The following A4GALT variants were observed in gnomAD, a reference collection of about 807,000 sequenced individuals.
A4GALT encodes lactosylceramide 4-alpha-galactosyltransferase.
For synonymous variants in A4GALT, 257 were observed against 220.7 expected (o/e 1.16, Z -1.46); for missense variants, 512 against 486.0 (o/e 1.05, Z -0.50).
rs768921574 is a variant in A4GALT at position 42,693,474 on chromosome 22, C to A, written c.478G>T (p.Ala160Ser). 6.2e-7 allele frequency: 1 copy of A among 1,613,100 alleles called. No individual in the cohort carries two copies. Among genetic ancestry groups the A allele is most frequent in the East Asian group, 2.2e-5 (1 of 44,872 alleles). The part of the protein sequence containing the change: ...FRDTPLADWY[A>S]AVQGRWEPYL... The stretch of plus-strand genomic sequence containing the variant: ...GGCTCCCAGCGCCCCTGCACGGCCG[C>A]GTACCAGTCGGCCAGGGGTGTGTCC... Residue 160 changes from alanine (A) to serine (S), a missense_variant, in exon 3 of 3, where the codon GCG becomes TCG. Ala to Ser is a moderately conservative substitution (Grantham distance 99). Coordinates refer to ENST00000642412, the MANE Select transcript of A4GALT (RefSeq NM_017436.7).
rs914878859 is a variant in A4GALT at position 42,692,566 on chromosome 22, T to A, written c.*324A>T. On this transcript the variant is annotated 3_prime_UTR_variant, in exon 3 of 3. Coordinates refer to ENST00000642412, the MANE Select transcript of A4GALT (RefSeq NM_017436.7). This position sits in a 1 kb window ranked among gnomAD's most constrained non-coding sequence, Gnocchi z 4.6. ...ACCGGCCTCTGCCCTCGTGGGCACCTCTGTCCCAACTGCCTGGCTTTCCGC... is the reference window on the plus strand; with the variant it reads ...ACCGGCCTCTGCCCTCGTGGGCACCACTGTCCCAACTGCCTGGCTTTCCGC... 10 of 492,230 alleles carry A rather than the reference T, an allele frequency of 2.0e-5. No homozygotes were observed. The Admixed American group carries it at 2.3e-4, about 12-fold the overall frequency. The allele number at this position is 492,230 out of a possible 1,614,324, so 30.5% of individuals were successfully genotyped here.
chr22:42,704,557 C>A (rs1920960648), intron 1 of A4GALT, among the ~76,000 whole-genome samples: 2 of 150,736 alleles, frequency 1.3e-5, no homozygotes, highest in South Asian at 4.2e-4. Context: ...GTAAGAAGGG[C>A]AGAAGGGCTC....
At chr22:42,704,506 T>TA (rs1029946953) in intron 1 of A4GALT, among the ~76,000 whole-genome samples, 79 of 147,148 alleles carry the variant, frequency 5.4e-4, no homozygotes, top group African/African-American at 1.7e-3. Flanking sequence ...AAAAAAATAA[T>TA]AAAAAAAATT....
chr22:42,693,729 T>C lies in A4GALT; in HGVS notation c.223A>G (p.Thr75Ala), dbSNP rs1325755762. Residue 75 changes from threonine (T) to alanine (A), a missense_variant, in exon 3 of 3, where the codon ACT (threonine) becomes GCT (alanine). Transcript: ENST00000642412. ...TPPTPPSHGP[T>A]PGNIFFLETS... ...TCCAGGAAGAAGATGTTGCCTGGAG[T>C]GGGGCCGTGGGAGGGTGGGGTGGGG... is the stretch of plus-strand genomic sequence containing the variant. 1.7e-5 allele frequency: 4 copies of C among 240,274 alleles called. No individual in the cohort carries two copies. Among genetic ancestry groups the C allele is most frequent in the Non-Finnish European group, 3.1e-5 (4 of 129,774 alleles). 14.9% of individuals were successfully genotyped at this position (240,274 alleles called of 1,614,324 possible). A position where few individuals can be genotyped will look rare whatever the true frequency, so the allele number is the denominator to read the frequency against.
At position 42,702,533 on chromosome 22, in the gene A4GALT, C is replaced by T. The variant is rs548992822; in HGVS notation, c.-187-6902G>A. On this transcript the variant is annotated intron_variant, in intron 1 of 2. Coordinates refer to ENST00000642412, the MANE Select transcript of A4GALT (RefSeq NM_017436.7). ...TGTATTTTTAGTAGAGACGGGGTTT[C>T]GCCATGTTGGCCAGGATGTTCTGGA... Among the ~76,000 whole-genome samples the T allele has an allele frequency of 3.3e-5, 5 of 152,294 alleles. No homozygotes were observed. In the South Asian group the frequency reaches 6.2e-4, roughly 19 times the overall value.
At chr22:42,709,054 T>C (rs5758883) in intron 1 of A4GALT, among the ~76,000 whole-genome samples, 1 of 123,318 alleles carries the variant, frequency 8.1e-6, no homozygotes, top group Non-Finnish European at 1.9e-5. Flanking sequence ...TTTAAATATA[T>C]ATATATATAT....
intron 1 of A4GALT, among the ~76,000 whole-genome samples, chr22:42,706,657 T>C (rs1289843509): frequency 6.6e-6 from 1 of 151,916 alleles, no homozygotes; most frequent in Non-Finnish European, 1.5e-5. Flanking sequence ...TAGCTGGGCA[T>C]GGTGGCAGGT....
rs746549220 is a variant in A4GALT at position 42,692,329 on chromosome 22, G to C, written c.*561C>G. 1 of 257,800 alleles carries C rather than the reference G, an allele frequency of 3.9e-6. No individual in the cohort carries two copies. Among genetic ancestry groups the C allele is most frequent in the Non-Finnish European group, 7.7e-6 (1 of 130,458 alleles). 16.0% of individuals were successfully genotyped at this position (257,800 alleles called of 1,614,324 possible). ...TGGGCAGAAGGGGCTGCCCCCAAAC[G>C]GCTCCCCAGGCTGGCACTTCTGGGC... On this transcript the variant is annotated 3_prime_UTR_variant, in exon 3 of 3. Coordinates refer to ENST00000642412, the MANE Select transcript of A4GALT (RefSeq NM_017436.7). The surrounding 1 kb of genome is among the most constrained non-coding windows in gnomAD (Gnocchi z 4.6).
At chr22:42,707,991 C>T (rs1177479832) in intron 1 of A4GALT, among the ~76,000 whole-genome samples, 3 of 150,730 alleles carry the variant, frequency 2.0e-5, no homozygotes, top group Non-Finnish European at 3.0e-5. Flanking sequence ...CGGTGGCTCA[C>T]GCCTGTAATC....
chr22:42,706,931 A>T (rs6002920), intron 1 of A4GALT, among the ~76,000 whole-genome samples: 2 of 152,126 alleles, frequency 1.3e-5, no homozygotes, highest in South Asian at 2.1e-4. Context: ...AGGGCAATTT[A>T]TTATGCTAAC....
At chr22:42,707,573 G>A (rs1432353853) in intron 1 of A4GALT, among the ~76,000 whole-genome samples, 1 of 152,082 alleles carries the variant, frequency 6.6e-6, no homozygotes, top group Middle Eastern at 3.4e-3. Flanking sequence ...CACGAGAATT[G>A]CTTGAATGGG....
intron 1 of A4GALT, among the ~76,000 whole-genome samples, chr22:42,706,223 C>T (rs1469193554): frequency 2.0e-5 from 3 of 146,836 alleles, no homozygotes; most frequent in East Asian, 2.0e-4. Flanking sequence ...GGCGTGGTGG[C>T]GGGCACCTAT....
intron 1 of A4GALT, among the ~76,000 whole-genome samples, chr22:42,699,493 T>A (rs1931159882): frequency 6.6e-6 from 1 of 152,194 alleles, no homozygotes; most frequent in Non-Finnish European, 1.5e-5. Flanking sequence ...CTCGGTCACA[T>A]CACTCGACAT....
chr22:42,704,727 C>G (rs2146998680), intron 1 of A4GALT, among the ~76,000 whole-genome samples: 1 of 152,110 alleles, frequency 6.6e-6, no homozygotes, highest in Non-Finnish European at 1.5e-5. Flanking sequence ...CAGCTTAGTT[C>G]TGAATTTTCC....
At position 42,693,437 on chromosome 22, in the gene A4GALT, G is replaced by A; in HGVS notation, c.515C>T (p.Pro172Leu). 6.2e-7 allele frequency: 1 copy of A among 1,613,316 alleles called. No homozygotes were observed. Among genetic ancestry groups the A allele is most frequent in the Non-Finnish European group, 8.5e-7 (1 of 1,179,996 alleles). The change falls in exon 3 of 3, where the codon CCC becomes CTC. Residue 172 changes from proline (P) to leucine (L), a missense_variant. Physicochemically the swap from Pro to Leu is moderately conservative, Grantham distance 98. Coordinates refer to ENST00000642412, the MANE Select transcript of A4GALT (RefSeq NM_017436.7). ...VQGRWEPYLL[P>L]VLSDASRIAL... ...GATCCTGGAGGCGTCGGAGAGCACGGGCAGCAGGTAGGGCTCCCAGCGCCC... is the reference window on the plus strand; with the variant it reads ...GATCCTGGAGGCGTCGGAGAGCACGAGCAGCAGGTAGGGCTCCCAGCGCCC...
chr22:42,695,892 C>G (rs374986541), intron 1 of A4GALT, among the ~76,000 whole-genome samples: 3 of 151,996 alleles, frequency 2.0e-5, no homozygotes, highest in Non-Finnish European at 4.4e-5. Context: ...AGAGGCCAGG[C>G]GTGGTGGCTC....
At chr22:42,709,067 A>ATATATATATATATATT (rs1180529043) in intron 1 of A4GALT, among the ~76,000 whole-genome samples, 2 of 128,804 alleles carry the variant, frequency 1.6e-5, no homozygotes, top group South Asian at 2.6e-4. Flanking sequence ...ATATATATAT[A>ATATATATATATATATT]TTTTTTTTAA....
At chr22:42,706,069 A>AAC (rs1921060675) in intron 1 of A4GALT, among the ~76,000 whole-genome samples, 2 of 105,428 alleles carry the variant, frequency 1.9e-5, no homozygotes, top group South Asian at 7.9e-4. Flanking sequence ...AAAAAAAAAA[A>AAC]AGTTGGCCGG....
At chr22:42,699,993 C>T (rs5758872) in intron 1 of A4GALT, among the ~76,000 whole-genome samples, 56,324 of 152,026 alleles carry the variant, frequency 0.37, 10,703 homozygotes, top group African/African-American at 0.44. Context: ...ATCTTCTCAT[C>T]GACTGGTTCT....
Sources: gnomAD v4.1 joint callset for allele counts (sites outside exome capture counted in the v4.1 genomes callset) on GRCh38, gnomAD v4.1.1 for gene constraint, Gnocchi (gnomAD v3.1) non-coding constraint, MANE v1.5 for transcripts, NCBI Gene and HGNC (gene_info 2026-07-23, HGNC 2026-07-21) for gene names.